The following LMBR1 variants were observed in gnomAD, a reference collection of about 807,000 sequenced individuals.
LMBR1 encodes the protein limb region 1 protein homolog.
In LMBR1, 52 loss-of-function variants were observed where a neutral mutation model predicts 73.9. The ratio of observed to expected loss-of-function variants is 0.70; its 90% confidence interval spans 0.56 to 0.89. LMBR1 has a LOEUF of 0.89. LMBR1 is among the 40% of genes least tolerant of loss of function. The probability of loss-of-function intolerance (pLI) is 0.00; values close to 1 mark genes in which losing one functional copy is unlikely to be tolerated. For synonymous variants in LMBR1, 215 were observed against 209.4 expected (o/e 1.03, Z -0.23); for missense variants, 539 against 579.8 (o/e 0.93, Z 0.72).
intron 5 of LMBR1, among the ~76,000 whole-genome samples, chr7:156,778,375 C>G (rs993751693): frequency 6.6e-6 from 1 of 152,168 alleles, no homozygotes; most frequent in Non-Finnish European, 1.5e-5. Context: ...TAAGAAAGAG[C>G]TGTTATTCTG....
At chr7:156,864,267 C>G (rs1197245568) in intron 1 of LMBR1, among the ~76,000 whole-genome samples, 1 of 152,226 alleles carries the variant, frequency 6.6e-6, no homozygotes, top group East Asian at 1.9e-4. Context: ...AATCTTAACT[C>G]TTGTTCATAA....
At chr7:156,693,199 A>AAT (rs1807584033) in intron 15 of LMBR1, among the ~76,000 whole-genome samples, 2 of 152,152 alleles carry the variant, frequency 1.3e-5, no homozygotes, top group Non-Finnish European at 2.9e-5. Context: ...TAGTGGCTGA[A>AAT]AATCTTTCAA....
chr7:156,860,394 C>A (rs12533453), intron 1 of LMBR1, among the ~76,000 whole-genome samples: 15,237 of 152,110 alleles, frequency 0.1, 865 homozygotes, highest in African/African-American at 0.13. Context: ...GAAAGACCCG[C>A]CTCGTGATTC....
intron 1 of LMBR1, among the ~76,000 whole-genome samples, chr7:156,889,406 T>C (rs1481990892): frequency 6.6e-6 from 1 of 152,234 alleles, no homozygotes; most frequent in Admixed American, 6.5e-5. Flanking sequence ...TAAGCAATTA[T>C]AGCATTATGT....
chr7:156,702,234 C>T (rs1224494127), intron 15 of LMBR1, among the ~76,000 whole-genome samples: 1 of 152,164 alleles, frequency 6.6e-6, no homozygotes, highest in Non-Finnish European at 1.5e-5. Context: ...AACTTACATT[C>T]CCAACAACAG....
intron 12 of LMBR1, among the ~76,000 whole-genome samples, chr7:156,727,629 G>T (rs79030121): frequency 6.6e-6 from 1 of 152,058 alleles, no homozygotes; most frequent in African/African-American, 2.4e-5. Flanking sequence ...TCTGAATCAA[G>T]ACTATGGCTA....
At chr7:156,791,968 C>T (rs1421972886) in intron 5 of LMBR1, among the ~76,000 whole-genome samples, 5 of 152,148 alleles carry the variant, frequency 3.3e-5, no homozygotes, top group Admixed American at 6.5e-5. Flanking sequence ...GATATTTTCT[C>T]CCACTTTCAT....
chr7:156,798,016 G>A (rs1264709960), intron 4 of LMBR1, among the ~76,000 whole-genome samples: 1 of 151,980 alleles, frequency 6.6e-6, no homozygotes, highest in Non-Finnish European at 1.5e-5. Flanking sequence ...TATTCAAAAA[G>A]AGTATAATTA....
chr7:156,783,884 G>A (rs1435783186), intron 5 of LMBR1, among the ~76,000 whole-genome samples: 1 of 152,088 alleles, frequency 6.6e-6, no homozygotes, highest in Non-Finnish European at 1.5e-5. Context: ...TCATCAAAGT[G>A]TATGTGTAGA....
intron 1 of LMBR1, 33 bp downstream of exon 1, chr7:156,892,895 G>C (rs775531131): frequency 7.0e-7 from 1 of 1,423,912 alleles, no homozygotes; most frequent in Non-Finnish European, 9.2e-7. Context: ...GCGGGCACGC[G>C]GGACTGTCAG....
intron 3 of LMBR1, among the ~76,000 whole-genome samples, chr7:156,826,995 T>C (rs563784935): frequency 6.6e-6 from 1 of 152,130 alleles, no homozygotes; most frequent in African/African-American, 2.4e-5. Flanking sequence ...GATAAAGACA[T>C]ACTGAAGACA....
rs1804363010 is a variant in LMBR1 at position 156,677,933 on chromosome 7, C to T, written c.*6145G>A. On this transcript the variant is annotated 3_prime_UTR_variant, in exon 17 of 17. Coordinates refer to ENST00000353442, the MANE Select transcript of LMBR1 (RefSeq NM_022458.4). ...TTTTCTGTAAGCTGACATCTCTCTC[C>T]CCATAGCGTTGACAGGCAAAGCACA... is the stretch of plus-strand genomic sequence containing the variant. The T allele has an allele frequency of 6.6e-6, 1 of 152,170 alleles. No individual in the cohort carries two copies. The highest frequency in any genetic ancestry group is 1.5e-5 in the Non-Finnish European group (1 of 68,024). The allele number at this position is 152,170 out of a possible 1,614,324, so 9.4% of individuals were successfully genotyped here.
intron 4 of LMBR1, among the ~76,000 whole-genome samples, chr7:156,671,362 CTATAA>C (rs1220884355): frequency 6.6e-6 from 1 of 152,106 alleles, no homozygotes; most frequent in African/African-American, 2.4e-5. Context: ...ATTATATGTA[CTATAA>C]TATACACATA....
intron 15 of LMBR1, among the ~76,000 whole-genome samples, chr7:156,712,827 G>A (rs141905586): frequency 6.6e-6 from 1 of 152,310 alleles, no homozygotes; most frequent in East Asian, 1.9e-4. Context: ...GATGTAGGGT[G>A]CAGAATGATA....
chr7:156,767,028 C>T (rs145079413), intron 5 of LMBR1, among the ~76,000 whole-genome samples: 48 of 152,302 alleles, frequency 3.2e-4, no homozygotes, highest in Non-Finnish European at 4.9e-4. Context: ...AAATGAAACG[C>T]GCCTTGCTTA....
intron 1 of LMBR1, among the ~76,000 whole-genome samples, chr7:156,868,088 T>C (rs1798726946): frequency 6.6e-6 from 1 of 152,120 alleles, no homozygotes; most frequent in African/African-American, 2.4e-5. Flanking sequence ...ATTAATGCAA[T>C]TCTGTGCACC....
chr7:156,723,861 CAACA>C (rs1815136714), intron 15 of LMBR1, among the ~76,000 whole-genome samples: 1 of 152,006 alleles, frequency 6.6e-6, no homozygotes, highest in African/African-American at 2.4e-5. Flanking sequence ...AAACAAAATA[CAACA>C]AAAACCAGCC....
At chr7:156,890,132 A>T (rs1802633665) in intron 1 of LMBR1, among the ~76,000 whole-genome samples, 1 of 152,338 alleles carries the variant, frequency 6.6e-6, no homozygotes, top group Admixed American at 6.5e-5. Flanking sequence ...AAGCAATTGG[A>T]CATTCCTGTG....
chr7:156,800,578 A>T (rs1181154079), intron 4 of LMBR1, among the ~76,000 whole-genome samples: 2 of 151,574 alleles, frequency 1.3e-5, no homozygotes, highest in Non-Finnish European at 2.9e-5. Flanking sequence ...ATGTTTAAAA[A>T]GATCAATATT....
Sources: gnomAD v4.1 joint callset for allele counts (sites outside exome capture counted in the v4.1 genomes callset) on GRCh38, gnomAD v4.1.1 for gene constraint, MANE v1.5 for transcripts, NCBI Gene and HGNC (gene_info 2026-07-23, HGNC 2026-07-21) for gene names.